Variants in PDE1A observed in about 807,000 individuals in gnomAD.
The protein encoded by PDE1A is dual specificity calcium/calmodulin-dependent 3',5'-cyclic nucleotide phosphodiesterase 1A.
In PDE1A, 35 loss-of-function variants were observed where a neutral mutation model predicts 61.7. The ratio of observed to expected loss-of-function variants is 0.57; its 90% CI spans 0.43 to 0.75. PDE1A has a LOEUF of 0.75. Ranked by LOEUF, PDE1A falls within the 30% of genes least tolerant of loss-of-function variation. The pLI is 0.00. For missense variants in PDE1A, 597 were observed against 630.6 expected (o/e 0.95, Z 0.57); for synonymous variants, 232 against 213.2 (o/e 1.09, Z -0.77).
chr2:182,279,090 A>G (rs1172725150), intron 1 of PDE1A, among the ~76,000 whole-genome samples: 2 of 151,956 alleles, frequency 1.3e-5, no homozygotes, highest in Non-Finnish European at 2.9e-5. Flanking sequence ...ACAATAACCA[A>G]GGTATAATGA....
chr2:182,190,608 T>C (rs1280817840), intron 10 of PDE1A, among the ~76,000 whole-genome samples: 1 of 152,170 alleles, frequency 6.6e-6, no homozygotes, highest in East Asian at 1.9e-4. Flanking sequence ...AGATTATTTA[T>C]ATGAAGCATA....
intron 1 of PDE1A, among the ~76,000 whole-genome samples, chr2:182,403,370 C>T (rs112952524): frequency 0.054 from 8,247 of 151,832 alleles, 721 homozygotes; most frequent in African/African-American, 0.19. Context: ...GAGGCCGAGG[C>T]GGGTGGATCA....
In PDE1A at chr2:182,343,750, A is replaced by G. The variant is rs188998550; in HGVS notation, c.54-79336T>C. ...TCTTATATTTAGTAATTAAGATATTAAATGTTTTATCTCTGGCAAGAATAT... is the reference window on the plus strand; with the variant it reads ...TCTTATATTTAGTAATTAAGATATTGAATGTTTTATCTCTGGCAAGAATAT... On this transcript the variant is annotated intron_variant, in intron 1 of 13. Coordinates refer to ENST00000351439, the Ensembl canonical transcript of PDE1A. 6.1e-3 allele frequency among the ~76,000 whole-genome samples: 928 copies of G among 152,336 alleles called. 5 individuals are homozygous for G. The highest frequency in any genetic ancestry group is 8.7e-3 in the Non-Finnish European group (594 of 68,028).
At chr2:182,383,600 G>T (rs1225025553) in intron 1 of PDE1A, among the ~76,000 whole-genome samples, 2 of 152,236 alleles carry the variant, frequency 1.3e-5, no homozygotes, top group East Asian at 3.9e-4. Context: ...GAGGTAGGCA[G>T]AGCAAGATGG....
At chr2:182,257,561 A>T (rs188475617) in intron 2 of PDE1A, among the ~76,000 whole-genome samples, 1 of 152,330 alleles carries the variant, frequency 6.6e-6, no homozygotes, top group East Asian at 1.9e-4. Context: ...GCTTGTCTTC[A>T]CCATGAGCAC....
chr2:182,477,601 G>A (rs368420880), intron 2 of PDE1A, among the ~76,000 whole-genome samples: 42 of 151,994 alleles, frequency 2.8e-4, no homozygotes, highest in Middle Eastern at 3.4e-3. Flanking sequence ...AAAACACAGC[G>A]TGTAGGGTTG....
chr2:182,565,829 A>AGT, the PDE1A span, among the ~76,000 whole-genome samples: 3 of 152,168 alleles, frequency 2.0e-5, no homozygotes, highest in African/African-American at 7.2e-5. Context: ...CTTTGCCCTT[A>AGT]GTTTTTTTCC....
At chr2:182,444,549 T>C (rs1459202991) in intron 2 of PDE1A, among the ~76,000 whole-genome samples, 2 of 152,228 alleles carry the variant, frequency 1.3e-5, no homozygotes, top group South Asian at 2.1e-4. Context: ...ATATCTATAT[T>C]GTACTTGAGC....
intron 13 of PDE1A, among the ~76,000 whole-genome samples, chr2:182,178,407 T>G (rs1684462649): frequency 6.6e-6 from 1 of 151,968 alleles, no homozygotes; most frequent in Admixed American, 6.6e-5. Flanking sequence ...GTGACATATT[T>G]TTCACCCCCT....
the PDE1A span, among the ~76,000 whole-genome samples, chr2:182,707,368 A>C: frequency 6.6e-6 from 1 of 152,320 alleles, no homozygotes; most frequent in South Asian, 2.1e-4. Flanking sequence ...TTATTTGAAA[A>C]GATCTATAAA....
chr2:182,651,757 G>A, the PDE1A span, among the ~76,000 whole-genome samples: 1 of 152,250 alleles, frequency 6.6e-6, no homozygotes, highest in Middle Eastern at 3.4e-3. Context: ...TTTACACATA[G>A]GTGCATTAAC....
chr2:182,336,993 T>C (rs907452291), intron 1 of PDE1A, among the ~76,000 whole-genome samples: 2 of 94,644 alleles, frequency 2.1e-5, no homozygotes, highest in African/African-American at 6.9e-5. Flanking sequence ...AGAATAAAAA[T>C]AAAAGTCCCT....
intron 1 of PDE1A, among the ~76,000 whole-genome samples, chr2:182,425,195 C>A (rs2125602996): frequency 6.6e-6 from 1 of 152,312 alleles, no homozygotes; most frequent in African/African-American, 2.4e-5. Flanking sequence ...TTATCCAACA[C>A]AACCTTGCCT....
chr2:182,427,965 A>G (rs17356152), upstream of PDE1A, among the ~76,000 whole-genome samples: 32,711 of 152,128 alleles, frequency 0.22, 3,934 homozygotes, highest in Middle Eastern at 0.43. Flanking sequence ...CAAATGTCAC[A>G]AAGGAGGATA....
At chr2:182,437,729 T>G (rs1684529158) in intron 2 of PDE1A, among the ~76,000 whole-genome samples, 1 of 151,938 alleles carries the variant, frequency 6.6e-6, no homozygotes, top group African/African-American at 2.4e-5. Flanking sequence ...CTTGTAAGGT[T>G]GGGTCCATCT....
chr2:182,472,169 A>G lies in PDE1A; in HGVS notation c.101+50107T>C, dbSNP rs1687068113. 9.2e-5 allele frequency among the ~76,000 whole-genome samples: 14 copies of G among 151,864 alleles called. No homozygotes were observed. The Admixed American group carries it at 9.2e-4, about 10-fold the overall frequency. On this transcript the variant is annotated intron_variant, in intron 2 of 14. Coordinates refer to the PDE1A transcript ENST00000410103. ...ATGGAGATTTCTCAAAGAACTAAAG[A>G]AGGAATGACCATATGATTCAGCAGT...
At chr2:182,553,441 G>T in the PDE1A span, among the ~76,000 whole-genome samples, 8 of 152,190 alleles carry the variant, frequency 5.3e-5, no homozygotes, top group African/African-American at 1.9e-4. Context: ...TGTTGGCTGG[G>T]CTGGTCTCGA....
intron 4 of PDE1A, among the ~76,000 whole-genome samples, chr2:182,232,847 T>C (rs954938518): frequency 6.6e-6 from 1 of 152,186 alleles, no homozygotes; most frequent in Non-Finnish European, 1.5e-5. Flanking sequence ...GAGTAAAAGG[T>C]TAATTCTTTA....
At chr2:182,567,952 C>T in the PDE1A span, among the ~76,000 whole-genome samples, 1 of 151,678 alleles carries the variant, frequency 6.6e-6, no homozygotes, top group East Asian at 1.9e-4. Context: ...GCCACCACGC[C>T]CGGCTAATTT....
Sources: allele counts gnomAD v4.1 joint callset (sites outside exome capture counted in the v4.1 genomes callset), GRCh38; gene constraint gnomAD v4.1.1; transcripts MANE v1.5; gene names NCBI Gene and HGNC (gene_info 2026-07-23, HGNC 2026-07-21).